DLG2: variants seen among roughly 807,000 people sequenced by gnomAD.
DLG2 encodes disks large homolog 2.
Under a neutral mutation model 132.5 loss-of-function variants are expected in DLG2, and 45 were observed. That is an observed-to-expected ratio of 0.34 (90% CI 0.27 to 0.44). The LOEUF (loss-of-function observed/expected upper bound fraction) is 0.44, where lower values mean the gene tolerates loss of function less well. Among genes scored for constraint, DLG2 ranks in the 20% least tolerant of loss-of-function variants. The pLI is 1.00. For missense variants in DLG2, 1,045 were observed against 1,196.9 expected (o/e 0.87, Z 1.87); for synonymous variants, 424 against 419.6 (o/e 1.01, Z -0.13).
At chr11:85,051,115 C>T (rs1231981994) in intron 6 of DLG2, among the ~76,000 whole-genome samples, 2 of 152,152 alleles carry the variant, frequency 1.3e-5, no homozygotes, top group Admixed American at 1.3e-4. Context: ...ATTATTTTCA[C>T]ATTCTTCAGG....
chr11:85,397,147 T>A (rs1398582715), intron 3 of DLG2, among the ~76,000 whole-genome samples: 2 of 152,172 alleles, frequency 1.3e-5, no homozygotes, highest in Admixed American at 1.3e-4. Flanking sequence ...GAAAAGAGTT[T>A]TCAACCCAGA....
intron 9 of DLG2, among the ~76,000 whole-genome samples, chr11:84,101,240 T>C (rs1001096352): frequency 1.3e-5 from 2 of 151,896 alleles, no homozygotes; most frequent in African/African-American, 2.4e-5. Flanking sequence ...CATTTTGACA[T>C]AGAGGGAAGA....
intron 8 of DLG2, among the ~76,000 whole-genome samples, chr11:84,167,530 A>T (rs894863842): frequency 2.0e-5 from 3 of 152,242 alleles, no homozygotes; most frequent in Non-Finnish European, 4.4e-5. Context: ...TTCTCCATAC[A>T]TAACAAATGT....
chr11:84,174,442 CCT>C (rs1566814208), intron 8 of DLG2, among the ~76,000 whole-genome samples: 3 of 151,732 alleles, frequency 2.0e-5, no homozygotes, highest in African/African-American at 7.3e-5. Context: ...AGCTAAATAC[CCT>C]GTTTCTCATC....
chr11:83,908,927 G>A (rs2075552682), intron 15 of DLG2, among the ~76,000 whole-genome samples: 1 of 152,060 alleles, frequency 6.6e-6, no homozygotes, highest in African/African-American at 2.4e-5. Context: ...TAGAGATGAG[G>A]TCTTGCTATG....
intron 6 of DLG2, among the ~76,000 whole-genome samples, chr11:84,726,819 G>A (rs755667227): frequency 6.6e-6 from 1 of 151,598 alleles, no homozygotes; most frequent in Non-Finnish European, 1.5e-5. Context: ...ACTGGCATGA[G>A]ATGGTGGTTT....
chr11:83,906,281 AC>A (rs2074909420), intron 15 of DLG2, among the ~76,000 whole-genome samples: 1 of 122,570 alleles, frequency 8.2e-6, no homozygotes, highest in Non-Finnish European at 1.8e-5. Context: ...ACACACACAC[AC>A]ACACACACAC....
intron 12 of DLG2, 130 bp downstream of exon 12, chr11:83,980,376 G>A (rs2092678388): frequency 9.9e-7 from 1 of 1,011,122 alleles, no homozygotes; most frequent in Non-Finnish European, 1.4e-6. Context: ...TGAGAAAATA[G>A]ATTTCTGCCA....
At chr11:84,845,551 A>G (rs1463674266) in intron 6 of DLG2, among the ~76,000 whole-genome samples, 1 of 152,106 alleles carries the variant, frequency 6.6e-6, no homozygotes, top group African/African-American at 2.4e-5. Context: ...TCCTTATCTT[A>G]TAGATCATTG....
At chr11:85,106,497 C>T (rs1015757266) in intron 6 of DLG2, among the ~76,000 whole-genome samples, 6 of 151,868 alleles carry the variant, frequency 4.0e-5, no homozygotes, top group African/African-American at 1.4e-4. Context: ...TAAATGAGTA[C>T]CCCTGATTTA....
At chr11:85,089,504 C>T (rs576192330) in intron 6 of DLG2, among the ~76,000 whole-genome samples, 1 of 152,086 alleles carries the variant, frequency 6.6e-6, no homozygotes, top group South Asian at 2.1e-4. Context: ...GCTATATGTA[C>T]CTCATTTTCT....
intron 6 of DLG2, among the ~76,000 whole-genome samples, chr11:84,785,271 G>C (rs1159054820): frequency 1.3e-5 from 2 of 151,842 alleles, no homozygotes; most frequent in South Asian, 4.1e-4. Context: ...AAATTCTCCT[G>C]TAGTGCTTCT....
At chr11:83,824,899 C>T (rs2052051478) in intron 17 of DLG2, among the ~76,000 whole-genome samples, 1 of 151,818 alleles carries the variant, frequency 6.6e-6, no homozygotes, top group African/African-American at 2.4e-5. Flanking sequence ...TTTCACTGCA[C>T]CTTGCTAAGT....
chr11:83,561,005 T>TA (rs11405912), intron 19 of DLG2, among the ~76,000 whole-genome samples: 71,699 of 151,898 alleles, frequency 0.47, 17,453 homozygotes, highest in Admixed American at 0.57. Flanking sequence ...TCAGGAAACT[T>TA]ACAACCATGG....
intron 21 of DLG2, among the ~76,000 whole-genome samples, chr11:83,496,002 TTC>T (rs1000750919): frequency 3.9e-5 from 6 of 152,026 alleles, no homozygotes; most frequent in African/African-American, 1.4e-4. Context: ...AGTTAAAAAT[TTC>T]TGTTCTTCAA....
chr11:84,873,290 A>G (rs2085778131), intron 6 of DLG2, among the ~76,000 whole-genome samples: 1 of 152,206 alleles, frequency 6.6e-6, no homozygotes, highest in South Asian at 2.1e-4. Context: ...GGAAAAAGCC[A>G]CAAGCAAAGA....
chr11:83,805,485 GT>G (rs1333235801), intron 17 of DLG2, among the ~76,000 whole-genome samples: 1 of 151,216 alleles, frequency 6.6e-6, no homozygotes, highest in Non-Finnish European at 1.5e-5. Context: ...CATATATTTG[GT>G]TTTTTGATAT....
At chr11:85,076,103 T>C (rs1012024665) in intron 6 of DLG2, among the ~76,000 whole-genome samples, 1 of 151,846 alleles carries the variant, frequency 6.6e-6, no homozygotes, top group African/African-American at 2.4e-5. Flanking sequence ...AATAATGAAT[T>C]TTTACCATGT....
chr11:85,058,746 T>G (rs989640140), intron 6 of DLG2, among the ~76,000 whole-genome samples: 2 of 151,494 alleles, frequency 1.3e-5, no homozygotes, highest in African/African-American at 4.8e-5. Flanking sequence ...TTAATATACA[T>G]CAAAGGTATA....
Sources: allele counts gnomAD v4.1 joint callset (sites outside exome capture counted in the v4.1 genomes callset), GRCh38; gene constraint gnomAD v4.1.1; transcripts MANE v1.5; gene names NCBI Gene and HGNC (gene_info 2026-07-23, HGNC 2026-07-21).